The following TRIM35 variants were observed in gnomAD, a reference collection of about 807,000 sequenced individuals.
TRIM35 encodes the protein tripartite motif containing 35.
TRIM35 carries 37 observed loss-of-function variants against 49.1 expected under a neutral mutation model. The ratio of observed to expected loss-of-function variants is 0.75; its 90% CI spans 0.58 to 0.99. TRIM35 has a LOEUF of 0.99. Among genes scored for constraint, TRIM35 ranks in the 50% least tolerant of loss-of-function variants. TRIM35 has a pLI of 0.00. For synonymous variants in TRIM35, 302 were observed against 289.3 expected (o/e 1.04, Z -0.45); for missense variants, 648 against 702.7 (o/e 0.92, Z 0.88).
chr8:27,291,891 C>G (rs933634415), intron 3 of TRIM35, among the ~76,000 whole-genome samples: 3 of 152,062 alleles, frequency 2.0e-5, no homozygotes, highest in Admixed American at 1.3e-4. Flanking sequence ...TATAACAAGC[C>G]CACTCTCTCA....
chr8:27,293,742 T>C (rs1802504084), intron 3 of TRIM35, among the ~76,000 whole-genome samples: 1 of 152,000 alleles, frequency 6.6e-6, no homozygotes, highest in African/African-American at 2.4e-5. Context: ...TAGTCCCAGC[T>C]ACTCAGGAGG....
At chr8:27,305,880 C>A (rs1802773692) in intron 1 of TRIM35, among the ~76,000 whole-genome samples, 1 of 152,192 alleles carries the variant, frequency 6.6e-6, no homozygotes, top group African/African-American at 2.4e-5. Flanking sequence ...CACTGTTGCC[C>A]AGGCTGGATG....
rs1449745291 is a variant in TRIM35, at chr8:27,286,400, C to G, written c.*1150G>C. 3.2e-6 allele frequency: 1 copy of G among 314,358 alleles called. No homozygotes were observed. Among genetic ancestry groups the G allele is most frequent in the African/African-American group, 2.2e-5 (1 of 45,898 alleles). 19.5% of individuals were successfully genotyped at this position (314,358 alleles called of 1,614,324 possible). On this transcript the variant is annotated 3_prime_UTR_variant, in exon 6 of 6. Coordinates refer to ENST00000305364, the MANE Select transcript of TRIM35 (RefSeq NM_171982.5). ...TAGGGCCACGTCCATGGCGCCACCC[C>G]TCTCCTTTCTTCCCAACTGAAAAGG...
intron 4 of TRIM35, 133 bp from the exon 5 acceptor site, chr8:27,289,413 A>G: frequency 2.9e-6 from 2 of 687,112 alleles, no homozygotes; most frequent in Admixed American, 2.4e-5. Flanking sequence ...CTTCTCCAAG[A>G]CAAGACTGGA....
chr8:27,302,353 C>G (rs1802697441), intron 1 of TRIM35, among the ~76,000 whole-genome samples: 1 of 152,108 alleles, frequency 6.6e-6, no homozygotes, highest in Non-Finnish European at 1.5e-5. Context: ...TTTTGCGTAT[C>G]TTTTATTAAT....
intron 5 of TRIM35, among the ~76,000 whole-genome samples, chr8:27,288,694 G>T (rs1802389737): frequency 6.6e-6 from 1 of 152,148 alleles, no homozygotes; most frequent in African/African-American, 2.4e-5. Context: ...GCAGCCACAG[G>T]AACTCATACA....
intron 3 of TRIM35, among the ~76,000 whole-genome samples, chr8:27,293,817 T>C (rs938563108): frequency 1.3e-5 from 2 of 152,124 alleles, no homozygotes; most frequent in African/African-American, 4.8e-5. Context: ...TCACCCACTG[T>C]ACTCCAGCCT....
chr8:27,292,677 G>C (rs1262439631), intron 3 of TRIM35, among the ~76,000 whole-genome samples: 1 of 152,182 alleles, frequency 6.6e-6, no homozygotes, highest in African/African-American at 2.4e-5. Context: ...CTCAATTTCG[G>C]TAGCAGTTTT....
intron 3 of TRIM35, among the ~76,000 whole-genome samples, chr8:27,292,554 T>C (rs1802476324): frequency 6.6e-6 from 1 of 152,222 alleles, no homozygotes; most frequent in Non-Finnish European, 1.5e-5. Context: ...AAAGGTTACA[T>C]GTTATATAAT....
chr8:27,294,401 TG>T, intron 2 of TRIM35, 91 bp from the exon 3 acceptor site: 4 of 1,250,790 alleles, frequency 3.2e-6, no homozygotes, highest in Non-Finnish European at 4.4e-6. Context: ...AGGAAATTTA[TG>T]TTCAAATAAA....
chr8:27,307,034 C>T (rs1383456954), intron 1 of TRIM35, among the ~76,000 whole-genome samples: 1 of 152,152 alleles, frequency 6.6e-6, no homozygotes, highest in Non-Finnish European at 1.5e-5. Flanking sequence ...CATAATTTAA[C>T]TCTCACTGGC....
rs752944883 is a variant in TRIM35 at position 27,298,505 on chromosome 8, C to T, written c.490G>A (p.Ala164Thr). The T allele has an allele frequency of 1.9e-6, 3 of 1,614,110 alleles. No homozygotes were observed. Among genetic ancestry groups the T allele is most frequent in the Non-Finnish European group, 2.5e-6 (3 of 1,180,044 alleles). ...ALREKAKAFWAMRRSYEAIAK... is the reference protein window; with the variant it reads ...ALREKAKAFWTMRRSYEAIAK... ...ATGGCCTCATAGGAGCGCCGCATGG[C>T]CCAGAAGGCCTTGGCCTTCTCCCGC... The change falls in exon 2 of 6, where the codon GCC becomes ACC. Residue 164 changes from alanine (A) to threonine (T), a missense_variant. Physicochemically the swap from Ala to Thr is moderately conservative, Grantham distance 58 (BLOSUM62 0). Coordinates refer to ENST00000305364, the MANE Select transcript of TRIM35 (RefSeq NM_171982.5).
intron 1 of TRIM35, among the ~76,000 whole-genome samples, chr8:27,308,138 G>T (rs772721137): frequency 6.6e-6 from 1 of 152,144 alleles, no homozygotes; most frequent in Non-Finnish European, 1.5e-5. Flanking sequence ...GCCTCCAAAA[G>T]GAATGTAGCC....
At chr8:27,298,902 G>A (rs1802627997) in intron 1 of TRIM35, among the ~76,000 whole-genome samples, 1 of 152,168 alleles carries the variant, frequency 6.6e-6, no homozygotes, top group African/African-American at 2.4e-5. Flanking sequence ...GGTTCATGCT[G>A]GGTCTGAATC....
At chr8:27,288,854 G>C (rs1166338570) in intron 5 of TRIM35, among the ~76,000 whole-genome samples, 2 of 152,190 alleles carry the variant, frequency 1.3e-5, no homozygotes, top group Non-Finnish European at 2.9e-5. Flanking sequence ...AGATGCAGGA[G>C]GTCTTTTATC....
rs1351600804 is a variant in TRIM35 at position 27,311,171 on chromosome 8, G to A, written c.65C>T (p.Ala22Val). Residue 22 changes from alanine to valine, a missense_variant, in exon 1 of 6, where the codon GCC becomes GTC. Transcript: ENST00000305364. The stretch of plus-strand genomic sequence containing the variant: ...GTCGCGGAAGGGGTCGTAGCAGACG[G>A]CGCAGAGCAACTCCTCCTTGAAGGA... The part of the protein sequence containing the change: ...SRSFKEELLC[A>V]VCYDPFRDAV... 2 of 1,607,134 alleles carry A rather than the reference G, an allele frequency of 1.2e-6. No individual in the cohort carries two copies. Among genetic ancestry groups the A allele is most frequent in the Non-Finnish European group, 1.7e-6 (2 of 1,177,666 alleles).
intron 1 of TRIM35, among the ~76,000 whole-genome samples, chr8:27,301,600 T>C (rs1802684109): frequency 6.6e-6 from 1 of 152,228 alleles, no homozygotes; most frequent in Non-Finnish European, 1.5e-5. Context: ...ATATACACAA[T>C]GTATGTCCTT....
Position 27,289,263 on chromosome 8 carries a change from T to C in TRIM35, c.803A>G (p.Glu268Gly), listed in dbSNP as rs1355066052. 8 of 1,613,894 alleles carry C rather than the reference T, an allele frequency of 5.0e-6. No homozygotes were observed. Among genetic ancestry groups the C allele is most frequent in the African/African-American group, 1.3e-5 (1 of 74,888 alleles). The stretch of plus-strand genomic sequence containing the variant: ...CATGCCGGGCTGGACTGGCTCTGGC[T>C]CCATGGTGCAGAAGAGTCTGGAAAA... ...SRKRRLFCTM[E>G]PEPVQPGMLI... The change falls in exon 5 of 6, where the codon GAG becomes GGG. Residue 268 changes from glutamate (E) to glycine (G), a missense_variant. Glu to Gly is a moderately conservative substitution (Grantham distance 98, BLOSUM62 -2). Coordinates refer to ENST00000305364, the MANE Select transcript of TRIM35 (RefSeq NM_171982.5).
chr8:27,296,135 T>C (rs1209149039), intron 2 of TRIM35, among the ~76,000 whole-genome samples: 1 of 150,326 alleles, frequency 6.7e-6, no homozygotes, highest in African/African-American at 2.4e-5. Flanking sequence ...TTGGAGAGAG[T>C]AGAATCCAGG....
Sources: gnomAD v4.1 joint callset for allele counts (sites outside exome capture counted in the v4.1 genomes callset) on GRCh38, gnomAD v4.1.1 for gene constraint, MANE v1.5 for transcripts, NCBI Gene and HGNC (gene_info 2026-07-23, HGNC 2026-07-21) for gene names.